The following MYOF variants were observed in gnomAD, a reference collection of about 807,000 sequenced individuals.
MYOF encodes the protein myoferlin.
A neutral mutation model predicts 284.2 loss-of-function variants in MYOF; 244 were observed. The observed-to-expected ratio is 0.86, with a 90% CI of 0.77 to 0.95. MYOF has a LOEUF of 0.95. Ranked by LOEUF, MYOF falls within the 40% of genes least tolerant of loss-of-function variation. The probability of loss-of-function intolerance (pLI) is 0.00; values close to 1 mark genes in which losing one functional copy is unlikely to be tolerated. For synonymous variants in MYOF, 904 were observed against 919.7 expected, an observed-to-expected ratio of 0.98 and a Z score of 0.31; for missense variants, 2,496 against 2,560.6, an observed-to-expected ratio of 0.97 and a Z score of 0.54.
intron 6 of MYOF, among the ~76,000 whole-genome samples, chr10:93,409,306 A>G (rs1053605057): frequency 7.9e-5 from 12 of 152,168 alleles, no homozygotes; most frequent in African/African-American, 2.9e-4. Context: ...TTGCGCTTCT[A>G]TTCTTTGATT....
intron 1 of MYOF, among the ~76,000 whole-genome samples, chr10:93,474,665 C>T (rs2057220583): frequency 6.6e-6 from 1 of 152,110 alleles, no homozygotes; most frequent in South Asian, 2.1e-4. Flanking sequence ...TTATAGACTG[C>T]CATGTGCAAT....
intron 1 of MYOF, among the ~76,000 whole-genome samples, chr10:93,479,516 G>C (rs1017214322): frequency 1.3e-5 from 2 of 152,178 alleles, no homozygotes; most frequent in African/African-American, 4.8e-5. Context: ...AAAGCAAGAA[G>C]AGTGCTGTGT....
At position 93,322,975 on chromosome 10, in the gene MYOF, A is replaced by T. The variant is rs900075712; in HGVS notation, c.5456+103T>A. On this transcript the variant is annotated intron_variant, in intron 48 of 53. Coordinates refer to ENST00000359263, the MANE Select transcript of MYOF (RefSeq NM_013451.4). ...ACATTAATGAGATAAAATAACCTCA[A>T]AAAACCAAGAATCCTATCTTGGGCA... 5.0e-5 allele frequency: 62 copies of T among 1,239,326 alleles called. No homozygotes were observed. The East Asian group carries it at 9.0e-4, about 18-fold the overall frequency. 76.8% of individuals were successfully genotyped at this position (1,239,326 alleles called of 1,614,324 possible). A position where few individuals can be genotyped will look rare whatever the true frequency, so the allele number is the denominator to read the frequency against.
At chr10:93,342,966 A>T (rs1307624341) in intron 38 of MYOF, among the ~76,000 whole-genome samples, 1 of 152,194 alleles carries the variant, frequency 6.6e-6, no homozygotes, top group Admixed American at 6.5e-5. Context: ...GTAGAATCAA[A>T]CACACTGCTG....
chr10:93,420,092 G>C (rs1848296578), intron 5 of MYOF, among the ~76,000 whole-genome samples: 2 of 152,012 alleles, frequency 1.3e-5, no homozygotes, highest in African/African-American at 2.4e-5. Flanking sequence ...GAGATCACTG[G>C]GCAACAGAGC....
chr10:93,442,851 A>G (rs2056309432), intron 3 of MYOF, among the ~76,000 whole-genome samples: 1 of 152,096 alleles, frequency 6.6e-6, no homozygotes, highest in African/African-American at 2.4e-5. Flanking sequence ...ACCTTCTTGA[A>G]TCTATAGAAT....
At chr10:93,384,824 G>A (rs998136773) in intron 19 of MYOF, among the ~76,000 whole-genome samples, 2 of 152,154 alleles carry the variant, frequency 1.3e-5, no homozygotes, top group African/African-American at 2.4e-5. Flanking sequence ...GCAAGATACC[G>A]ATAAGGGCTA....
At chr10:93,374,735 T>G (rs982390391) in intron 23 of MYOF, 28 bp downstream of exon 23, 1 of 1,597,062 alleles carries the variant, frequency 6.3e-7, no homozygotes, top group African/African-American at 1.3e-5. Context: ...CCATATCAGG[T>G]GACGTTTGTG....
chr10:93,394,317 G>T (rs545312701), intron 16 of MYOF, among the ~76,000 whole-genome samples: 32 of 152,042 alleles, frequency 2.1e-4, no homozygotes, highest in Non-Finnish European at 3.7e-4. Context: ...GGCCAGCCTG[G>T]TCTCAAACTC....
At chr10:93,387,549 A>C (rs1008804127) in intron 19 of MYOF, among the ~76,000 whole-genome samples, 3 of 152,204 alleles carry the variant, frequency 2.0e-5, no homozygotes, top group African/African-American at 7.2e-5. Context: ...TGTTATGGCC[A>C]CTTCCCCATG....
At chr10:93,327,617 A>G (rs1231745650) in intron 45 of MYOF, among the ~76,000 whole-genome samples, 3 of 152,008 alleles carry the variant, frequency 2.0e-5, no homozygotes, top group Admixed American at 2.0e-4. Context: ...GGTACCCTTA[A>G]CCATTAGACC....
At chr10:93,353,474 C>T (rs563384605) in intron 32 of MYOF, among the ~76,000 whole-genome samples, 1 of 152,162 alleles carries the variant, frequency 6.6e-6, no homozygotes, top group African/African-American at 2.4e-5. Context: ...AGGATCTTAA[C>T]TTACCAATCA....
At chr10:93,408,685 C>G in intron 7 of MYOF, 102 bp downstream of exon 7, 2 of 1,489,254 alleles carry the variant, frequency 1.3e-6, no homozygotes, top group South Asian at 2.5e-5. Flanking sequence ...TTCCTGTGAT[C>G]TCTACTTGGA....
chr10:93,423,708 C>T (rs1047364641), intron 5 of MYOF, among the ~76,000 whole-genome samples: 1 of 151,566 alleles, frequency 6.6e-6, no homozygotes, highest in South Asian at 2.1e-4. Flanking sequence ...TGGCGGGCGC[C>T]TATAGTCCCA....
At chr10:93,460,201 C>T (rs558181921) in intron 1 of MYOF, among the ~76,000 whole-genome samples, 10 of 152,132 alleles carry the variant, frequency 6.6e-5, no homozygotes, top group African/African-American at 2.4e-4. Context: ...AAAAAACCAG[C>T]GCTTGTCAAC....
intron 4 of MYOF, among the ~76,000 whole-genome samples, chr10:93,428,056 C>T (rs1848673538): frequency 6.6e-6 from 1 of 151,964 alleles, no homozygotes; most frequent in Admixed American, 6.6e-5. Flanking sequence ...AAAGGGAGTC[C>T]TTTGCAAATA....
Position 93,479,177 on chromosome 10 carries a change from A to G in MYOF, c.88+2930T>C, listed in dbSNP as rs1270635920. ...TTTTTTTGAGATGGAGTCTCGTTCT[A>G]TCTCCCAGGCTGGAGTGCAGTGGTG... On this transcript the variant is annotated intron_variant, in intron 1 of 53. Coordinates refer to ENST00000359263, the MANE Select transcript of MYOF (RefSeq NM_013451.4). Among the ~76,000 whole-genome samples, 6 of 144,758 alleles carry G rather than the reference A, an allele frequency of 4.1e-5. No homozygotes were observed. In the South Asian group the frequency reaches 8.7e-4, roughly 21 times the overall value. The allele number at this position is 144,758 out of a possible 152,430, so 95.0% of individuals were successfully genotyped here.
intron 40 of MYOF, among the ~76,000 whole-genome samples, chr10:93,337,122 A>G (rs1184908682): frequency 6.7e-6 from 1 of 149,342 alleles, no homozygotes; most frequent in Non-Finnish European, 1.5e-5. Context: ...CAATAACATG[A>G]AAAGGTGTGG....
intron 50 of MYOF, among the ~76,000 whole-genome samples, chr10:93,315,947 C>G (rs1457674780): frequency 1.3e-5 from 2 of 149,166 alleles, no homozygotes; most frequent in Admixed American, 1.4e-4. Context: ...ATAGTGAGAC[C>G]TCGTCTGTAC....
Sources: allele counts gnomAD v4.1 joint callset (sites outside exome capture counted in the v4.1 genomes callset), GRCh38; gene constraint gnomAD v4.1.1; transcripts MANE v1.5; gene names NCBI Gene and HGNC (gene_info 2026-07-23, HGNC 2026-07-21).